The following LMNTD1 variants were observed in gnomAD, a reference collection of about 807,000 sequenced individuals.
The protein encoded by LMNTD1 is lamin tail domain containing 1, also known as lamin tail domain-containing protein 1.
In LMNTD1, 35 loss-of-function variants were observed where a neutral mutation model predicts 50.9. The ratio of observed to expected loss-of-function variants is 0.69; its 90% CI spans 0.53 to 0.91. The LOEUF is 0.91. Among genes scored for constraint, LMNTD1 ranks in the 40% least tolerant of loss-of-function variants. The pLI, the probability that LMNTD1 is intolerant of heterozygous loss-of-function variation, is 0.00. For missense variants in LMNTD1, 470 were observed against 475.5 expected, an observed-to-expected ratio of 0.99 and a Z score of 0.11; for synonymous variants, 153 against 161.9, an observed-to-expected ratio of 0.94 and a Z score of 0.42.
intron 8 of LMNTD1, among the ~76,000 whole-genome samples, chr12:25,507,484 A>T (rs964750500): frequency 6.6e-6 from 1 of 152,210 alleles, no homozygotes; most frequent in African/African-American, 2.4e-5. Context: ...GGCATAAACA[A>T]AAGTATTTCT....
intron 1 of LMNTD1, among the ~76,000 whole-genome samples, chr12:25,601,927 G>A (rs556180346): frequency 3.4e-4 from 52 of 151,414 alleles, no homozygotes; most frequent in African/African-American, 1.1e-3. Flanking sequence ...TCTTTGTGTT[G>A]GAAATATTAA....
chr12:25,614,906 C>T (rs1946320204), intron 1 of LMNTD1, among the ~76,000 whole-genome samples: 1 of 152,194 alleles, frequency 6.6e-6, no homozygotes, highest in South Asian at 2.1e-4. Flanking sequence ...TGTTTTCACA[C>T]TGTCTTCCCT....
intron 1 of LMNTD1, among the ~76,000 whole-genome samples, chr12:25,569,653 C>T (rs995637993): frequency 2.6e-5 from 4 of 152,152 alleles, no homozygotes; most frequent in Admixed American, 2.6e-4. Flanking sequence ...ATTGGTTTAG[C>T]ACCATCTCTT....
chr12:25,477,068 C>A (rs10842567), intron 9 of LMNTD1, among the ~76,000 whole-genome samples: 1 of 151,936 alleles, frequency 6.6e-6, no homozygotes, highest in Non-Finnish European at 1.5e-5. Context: ...ATGGGCCTCA[C>A]GGAATCCATT....
chr12:25,601,782 ATTAAT>A (rs566297953), intron 1 of LMNTD1, among the ~76,000 whole-genome samples: 294 of 152,052 alleles, frequency 1.9e-3, no homozygotes, highest in Non-Finnish European at 3.4e-3. Flanking sequence ...TGACTTATTT[ATTAAT>A]TTATTTACTT....
At chr12:25,563,685 T>C (rs1944431269) in intron 1 of LMNTD1, among the ~76,000 whole-genome samples, 1 of 152,116 alleles carries the variant, frequency 6.6e-6, no homozygotes, top group Non-Finnish European at 1.5e-5. Flanking sequence ...CAGACAGGGA[T>C]GTTTAAGTCT....
In LMNTD1 at chr12:25,527,667, TATATATATATATATACAC is replaced by T. The variant is rs1211426720; in HGVS notation, c.492-730_492-713del. Among the ~76,000 whole-genome samples the T allele has an allele frequency of 1.0e-3, 23 of 23,108 alleles. No homozygotes were observed. The South Asian group carries it at 0.015, about 15-fold the overall frequency. The allele number at this position is 23,108 out of a possible 152,430, so 15.2% of individuals were successfully genotyped here. A position where few individuals can be genotyped will look rare whatever the true frequency, so the allele number is the denominator to read the frequency against. On this transcript the variant is annotated intron_variant, in intron 4 of 9. Transcript: ENST00000458174. ...ATATATATATATATATATATATATA[TATATATATATATATACAC>T]ACACACACACACACACACACACACA...
intron 9 of LMNTD1, among the ~76,000 whole-genome samples, chr12:25,484,147 A>C (rs1938534466): frequency 6.6e-6 from 1 of 152,066 alleles, no homozygotes; most frequent in African/African-American, 2.4e-5. Flanking sequence ...TACTTTATCC[A>C]ATTAGAGCTT....
At chr12:25,603,654 T>C (rs1446616895) in intron 1 of LMNTD1, among the ~76,000 whole-genome samples, 1 of 152,032 alleles carries the variant, frequency 6.6e-6, no homozygotes, top group Non-Finnish European at 1.5e-5. Context: ...GGATTAACAA[T>C]ACAGAGACGA....
At position 25,526,162 on chromosome 12, in the gene LMNTD1, C is replaced by T; in HGVS notation, c.735G>A (p.Lys245=). 1.2e-6 allele frequency: 2 copies of T among 1,610,820 alleles called. No homozygotes were observed. The highest frequency in any genetic ancestry group is 1.7e-6 in the Non-Finnish European group (2 of 1,178,216). Residue 245 remains lysine, a synonymous_variant, in exon 6 of 10, where the codon AAG becomes AAA. Coordinates refer to ENST00000458174, the MANE Select transcript of LMNTD1 (RefSeq NM_001145728.2). ...GACTTGCTCTAAACTTGTCTTGTTC[C>T]TTCCAAAGAAAATCTGATGGAGGTT... ...KHQPPSDFLW[K]EQDKFRASPD...
chr12:25,561,072 G>A (rs1944289956), intron 1 of LMNTD1, among the ~76,000 whole-genome samples: 1 of 151,978 alleles, frequency 6.6e-6, no homozygotes, highest in Non-Finnish European at 1.5e-5. Context: ...ACACTATTTT[G>A]TTGATCTTTT....
intron 1 of LMNTD1, among the ~76,000 whole-genome samples, chr12:25,642,125 A>C (rs978132143): frequency 2.6e-5 from 4 of 152,174 alleles, no homozygotes; most frequent in Non-Finnish European, 5.9e-5. Context: ...TGCCATTTAC[A>C]AAATAATATA....
intron 1 of LMNTD1, among the ~76,000 whole-genome samples, chr12:25,642,840 A>G (rs972554431): frequency 2.6e-5 from 4 of 152,212 alleles, no homozygotes; most frequent in African/African-American, 9.6e-5. Context: ...CCACAGCCCC[A>G]ACCTGAGCTC....
intron 1 of LMNTD1, among the ~76,000 whole-genome samples, chr12:25,645,838 T>C (rs1382850): frequency 0.12 from 17,768 of 152,170 alleles, 1,602 homozygotes; most frequent in African/African-American, 0.24. Context: ...GTAAAGTAAC[T>C]GTAAATAGCA....
At chr12:25,595,660 C>T (rs972901019) in intron 1 of LMNTD1, among the ~76,000 whole-genome samples, 5 of 151,988 alleles carry the variant, frequency 3.3e-5, no homozygotes, top group African/African-American at 1.2e-4. Flanking sequence ...TAAGGTCACA[C>T]CTCAAGGAAC....
intron 8 of LMNTD1, 69 bp downstream of exon 8, chr12:25,518,726 C>T: frequency 7.3e-7 from 1 of 1,369,694 alleles, no homozygotes; most frequent in Non-Finnish European, 1.0e-6. Flanking sequence ...AACCACTTAA[C>T]CCACTAGTTA....
chr12:25,520,145 C>CATATGTAT (rs1555213290), intron 6 of LMNTD1, 70 bp from the exon 7 acceptor site: 1 of 231,540 alleles, frequency 4.3e-6, no homozygotes, highest in Non-Finnish European at 8.1e-6. Context: ...ATGAGATATA[C>CATATGTAT]ATATATATAT....
chr12:25,560,782 C>G (rs925705256), intron 1 of LMNTD1, among the ~76,000 whole-genome samples: 2 of 152,090 alleles, frequency 1.3e-5, no homozygotes, highest in African/African-American at 4.8e-5. Flanking sequence ...ATATTTTATT[C>G]TCTTTGAAGC....
At chr12:25,573,154 C>T (rs2136368254) in intron 1 of LMNTD1, among the ~76,000 whole-genome samples, 1 of 152,214 alleles carries the variant, frequency 6.6e-6, no homozygotes, top group Non-Finnish European at 1.5e-5. Context: ...CAGTCCTTGG[C>T]CTTTTCTCTG....
Sources: allele counts gnomAD v4.1 joint callset (sites outside exome capture counted in the v4.1 genomes callset), GRCh38; gene constraint gnomAD v4.1.1; transcripts MANE v1.5; gene names NCBI Gene and HGNC (gene_info 2026-07-23, HGNC 2026-07-21).